The following RDM1 variants were observed in gnomAD, a reference collection of about 807,000 sequenced individuals.
RDM1 encodes RAD52 motif containing 1.
Under a neutral mutation model 27.7 loss-of-function variants are expected in RDM1, and 28 were observed. That is an observed-to-expected ratio of 1.01 (90% CI 0.75 to 1.39). The LOEUF (loss-of-function observed/expected upper bound fraction) is 1.39. Among genes scored for constraint, RDM1 ranks in the 40% most tolerant of loss-of-function variants. The probability of loss-of-function intolerance (pLI) is 0.00; values close to 1 mark genes in which losing one functional copy is unlikely to be tolerated. For missense variants in RDM1, 277 were observed against 337.3 expected, an observed-to-expected ratio of 0.82 and a Z score of 1.40; for synonymous variants, 124 against 127.5, an observed-to-expected ratio of 0.97 and a Z score of 0.19.
At chr17:35,925,375 C>CAG in intron 3 of RDM1, 140 bp downstream of exon 3, 1 of 829,774 alleles carries the variant, frequency 1.2e-6, no homozygotes, top group Non-Finnish European at 1.8e-6. Flanking sequence ...CAGGCCAATT[C>CAG]AGACATGTCA....
rs773360398 is a variant in RDM1 at position 35,918,411 on chromosome 17, T to C, written c.786A>G (p.Gln262=). The change falls in exon 7 of 7, where the codon CAA becomes CAG. Residue 262 remains glutamine, a synonymous_variant. Coordinates refer to ENST00000620284, the MANE Select transcript of RDM1 (RefSeq NM_145654.4). ...AATCCGAGAGATACCCTTCCTCCTC[T>C]TGGCCATACTGCTTCCAGGGAGAGC... ...VPCSPWKQYG[Q]EEEGYLSDFS... is the part of the protein sequence containing the mutation. The C allele has an allele frequency of 5.0e-6, 8 of 1,614,066 alleles. 1 individual carries two copies. In the South Asian group the frequency reaches 8.8e-5, roughly 18 times the overall value.
intron 2 of RDM1, among the ~76,000 whole-genome samples, chr17:35,928,032 C>T (rs2089207319): frequency 6.6e-6 from 1 of 152,140 alleles, no homozygotes; most frequent in Non-Finnish European, 1.5e-5. Context: ...ATTGAACAGG[C>T]TACTGAAGTG....
chr17:35,922,238 T>G (rs1474186824), intron 5 of RDM1: 2 of 226,424 alleles, frequency 8.8e-6, no homozygotes, highest in Non-Finnish European at 8.5e-6. Flanking sequence ...ATTAAAAATC[T>G]AAGAGACAGA....
rs2089070566 is a variant in RDM1 at position 35,924,665 on chromosome 17, G to T, written c.507C>A (p.Ser169=). 2 of 1,613,932 alleles carry T rather than the reference G, an allele frequency of 1.2e-6. No homozygotes were observed. The highest frequency in any genetic ancestry group is 2.7e-5 in the African/African-American group (2 of 74,902). Residue 169 remains serine, a synonymous_variant, in exon 4 of 7, where the codon TCC becomes TCA. Coordinates refer to ENST00000620284, the MANE Select transcript of RDM1 (RefSeq NM_145654.4). ...CAATGCCAGGACTCCTGCAATCACA[G>T]GATGGCAACACCACTTCTAAAGCAC... ...FFCALEVVLP[S]CDCRSPGIGL...
In RDM1 at chr17:35,918,553, A is replaced by G; in HGVS notation, c.754-110T>C. 3 of 854,650 alleles carry G rather than the reference A, an allele frequency of 3.5e-6. No homozygotes were observed. The East Asian group carries it at 7.7e-5, about 22-fold the overall frequency. The allele number at this position is 854,650 out of a possible 1,614,324, so 52.9% of individuals were successfully genotyped here. On this transcript the variant is annotated intron_variant, in intron 6 of 6. Coordinates refer to ENST00000620284, the MANE Select transcript of RDM1 (RefSeq NM_145654.4). Reference sequence around the variant, plus strand: ...TTCCATATCCTTTGTTGCATGTTTGATAATTCACCACTCTATTAGGTAGGG... The same window carrying G: ...TTCCATATCCTTTGTTGCATGTTTGGTAATTCACCACTCTATTAGGTAGGG...
At chr17:35,923,540 G>A (rs574327102) in intron 4 of RDM1, among the ~76,000 whole-genome samples, 21 of 151,478 alleles carry the variant, frequency 1.4e-4, no homozygotes, top group African/African-American at 4.9e-4. Context: ...GTAGGCACCT[G>A]TAACCCCAGC....
intron 5 of RDM1, chr17:35,922,006 C>T (rs2088960159): frequency 6.6e-6 from 1 of 150,958 alleles, no homozygotes. Context: ...CTGTAAGCTC[C>T]ACCTCCCAGG....
rs377136088 is a variant in RDM1 at position 35,930,684 on chromosome 17, T to C, written c.44A>G (p.Lys15Arg). ...VPFAVPIESDKTLLVWELSSG... is the reference protein window; with the variant it reads ...VPFAVPIESDRTLLVWELSSG... ...GCTCAGCTCCCACACTAGCAAGGTT[T>C]TGTCACTCTCGATGGGAACCGCAAA... Residue 15 changes from lysine to arginine, a missense_variant, in exon 1 of 7, where the codon AAA (lysine) becomes AGA (arginine). By Grantham distance (26) the Lys-to-Arg change is conservative. Coordinates refer to ENST00000620284, the MANE Select transcript of RDM1 (RefSeq NM_145654.4). The C allele has an allele frequency of 2.4e-5, 39 of 1,613,832 alleles. No homozygotes were observed. Among genetic ancestry groups the C allele is most frequent in the Non-Finnish European group, 3.1e-5 (37 of 1,180,014 alleles).
In RDM1 at chr17:35,930,768, C is replaced by A; in HGVS notation, c.-41G>T. 6.3e-7 allele frequency: 1 copy of A among 1,591,618 alleles called. No homozygotes were observed. The highest frequency in any genetic ancestry group is 8.6e-7 in the Non-Finnish European group (1 of 1,165,736). The stretch of plus-strand genomic sequence containing the variant: ...CCTGCGCGGCTAACCCTCGCCCCAG[C>A]ATTGCGCCTGCGCAAGGCACGCCCG... On this transcript the variant is annotated 5_prime_UTR_variant, in exon 1 of 7. An upstream start codon of the reference 5' UTR is lost. Transcript: ENST00000620284.
chr17:35,924,001 G>A (rs752527441), intron 4 of RDM1, among the ~76,000 whole-genome samples: 2 of 151,942 alleles, frequency 1.3e-5, no homozygotes, highest in African/African-American at 2.4e-5. Flanking sequence ...ATCACTTGAG[G>A]CCAGGAGTTG....
Position 35,925,589 on chromosome 17 carries a change from G to A in RDM1, c.325C>T (p.Leu109=), listed in dbSNP as rs1371417297. 8 of 1,614,012 alleles carry A rather than the reference G, an allele frequency of 5.0e-6. No individual in the cohort carries two copies. The highest frequency in any genetic ancestry group is 1.7e-5 in the Admixed American group (1 of 60,012). ...HKAVQHQALA[L]NSSKCQELAN... is the part of the protein sequence containing the mutation. ...AGTTCTTGGCATTTGGAACTGTTCAGGGCAAGGGCTTGATGTTGAACTGCC... is the reference window on the plus strand; with the variant it reads ...AGTTCTTGGCATTTGGAACTGTTCAAGGCAAGGGCTTGATGTTGAACTGCC... Residue 109 remains leucine (L), a synonymous_variant, in exon 3 of 7, where the codon CTG becomes TTG. Transcript: ENST00000620284.
chr17:35,930,755 A>C lies in RDM1; in HGVS notation c.-28T>G, dbSNP rs763291903. ...TCCCTTCACCGCACCTGCGCGGCTAACCCTCGCCCCAGCATTGCGCCTGCG... is the reference window on the plus strand; with the variant it reads ...TCCCTTCACCGCACCTGCGCGGCTACCCCTCGCCCCAGCATTGCGCCTGCG... On this transcript the variant is annotated 5_prime_UTR_variant, in exon 1 of 7. Transcript: ENST00000620284. 2 of 1,605,888 alleles carry C rather than the reference A, an allele frequency of 1.2e-6. No individual in the cohort carries two copies. Among genetic ancestry groups the C allele is most frequent in the East Asian group, 4.5e-5 (2 of 44,620 alleles).
At chr17:35,918,473 G>A (rs2088821967) in intron 6 of RDM1, 30 bp from the exon 7 acceptor site, 2 of 1,558,284 alleles carry the variant, frequency 1.3e-6, no homozygotes, top group Non-Finnish European at 1.8e-6. Flanking sequence ...TAGGGTGGCA[G>A]GCAGAACGCA....
chr17:35,918,455 G>A lies in RDM1; in HGVS notation c.754-12C>T, dbSNP rs1010896121. The A allele has an allele frequency of 1.6e-5, 25 of 1,606,636 alleles. No individual in the cohort carries two copies. In the African/African-American group the frequency reaches 2.3e-4, roughly 15 times the overall value. The stretch of plus-strand genomic sequence containing the variant: ...GGAGAGCAAGGGACCTGCAAAATGT[G>A]CGCTAGTTAGGGTGGCAGGCAGAAC... On this transcript the variant is annotated splice_polypyrimidine_tract_variant and intron_variant, in intron 6 of 6. Transcript: ENST00000620284.
intron 4 of RDM1, among the ~76,000 whole-genome samples, chr17:35,924,365 C>T (rs1200181219): frequency 1.3e-5 from 2 of 152,058 alleles, no homozygotes; most frequent in Non-Finnish European, 2.9e-5. Flanking sequence ...TTCCTTCTTC[C>T]TCCTAAGCTT....
chr17:35,925,508 G>T lies in RDM1; in HGVS notation c.399+7C>A. 1 of 1,612,344 alleles carries T rather than the reference G, an allele frequency of 6.2e-7. No individual in the cohort carries two copies. Among genetic ancestry groups the T allele is most frequent in the Non-Finnish European group, 8.5e-7 (1 of 1,179,838 alleles). Reference sequence around the variant, plus strand: ...GTGGTAAGTGAAAAAAAATCTACAAGGTTTACCTTGATGATCCTTTTGGAA... The same window carrying T: ...GTGGTAAGTGAAAAAAAATCTACAATGTTTACCTTGATGATCCTTTTGGAA... On this transcript the variant is annotated splice_region_variant and intron_variant, in intron 3 of 6. Coordinates refer to ENST00000620284, the MANE Select transcript of RDM1 (RefSeq NM_145654.4).
At chr17:35,925,683 A>T (rs746708328) in intron 2 of RDM1, 46 bp from the exon 3 acceptor site, 6 of 1,569,462 alleles carry the variant, frequency 3.8e-6, no homozygotes, top group Non-Finnish European at 5.2e-6. Flanking sequence ...ACCGCTAGAG[A>T]TTTTATTTTG....
Position 35,922,650 on chromosome 17 carries a change from C to T in RDM1, c.594G>A (p.Arg198=). The change falls in exon 5 of 7, where the codon AGG becomes AGA. Residue 198 remains arginine (R), a synonymous_variant. Transcript: ENST00000620284. ...GAATAGCAAGCTTCTGGGCTGTCTT[C>T]CTTTTCATAAGGAATGATAATGGTC... is the stretch of plus-strand genomic sequence containing the variant. ...EEGPLSFLMK[R]KTAQKLAIQK... 4 of 1,607,882 alleles carry T rather than the reference C, an allele frequency of 2.5e-6. No individual in the cohort carries two copies. The highest frequency in any genetic ancestry group is 3.4e-6 in the Non-Finnish European group (4 of 1,178,788).
At chr17:35,925,129 T>C (rs2089094071) in intron 3 of RDM1, among the ~76,000 whole-genome samples, 15 of 151,730 alleles carry the variant, frequency 9.9e-5, no homozygotes, top group Admixed American at 9.9e-4. Flanking sequence ...CGAGCCTCTG[T>C]CTCAAAAACA....
Sources: gnomAD v4.1 joint callset for allele counts (sites outside exome capture counted in the v4.1 genomes callset) on GRCh38, gnomAD v4.1.1 for gene constraint, MANE v1.5 for transcripts, NCBI Gene and HGNC (gene_info 2026-07-23, HGNC 2026-07-21) for gene names.